GARNL3: variants seen among roughly 807,000 people sequenced by gnomAD.
GARNL3 encodes the protein GTPase-activating Rap/Ran-GAP domain-like protein 3.
GARNL3 carries 63 observed loss-of-function variants against 125.0 expected under a neutral mutation model. The ratio of observed to expected loss-of-function variants is 0.50; its 90% CI spans 0.41 to 0.62. The LOEUF is 0.62. GARNL3 is among the 20% of genes least tolerant of loss of function. The pLI is 0.00. For missense variants in GARNL3, 994 were observed against 1,244.0 expected, an observed-to-expected ratio of 0.80 and a Z score of 3.02; for synonymous variants, 439 against 457.5, an observed-to-expected ratio of 0.96 and a Z score of 0.52.
intron 19 of GARNL3, among the ~76,000 whole-genome samples, chr9:127,355,039 C>A (rs538332202): frequency 6.6e-6 from 1 of 152,182 alleles, no homozygotes; most frequent in African/African-American, 2.4e-5. Flanking sequence ...GTTATTCGCC[C>A]GCCTCGGCCT....
intron 2 of GARNL3, among the ~76,000 whole-genome samples, chr9:127,254,109 C>T (rs1478471281): frequency 4.6e-5 from 7 of 152,132 alleles, no homozygotes; most frequent in Admixed American, 3.9e-4. Flanking sequence ...CTCAGGGTAA[C>T]TGTAACAAAA....
intron 22 of GARNL3, among the ~76,000 whole-genome samples, chr9:127,382,251 G>T (rs1832303209): frequency 6.6e-6 from 1 of 152,044 alleles, no homozygotes; most frequent in African/African-American, 2.4e-5. Context: ...AATGAGCTGA[G>T]ATCTCACCAT....
chr9:127,362,041 T>G (rs142628548), intron 21 of GARNL3: 1 of 151,720 alleles, frequency 6.6e-6, no homozygotes, highest in Non-Finnish European at 1.5e-5. Flanking sequence ...ATAAGCGTTA[T>G]GTCTTGGAAG....
At chr9:127,308,713 T>A (rs2065019556) in intron 2 of GARNL3, among the ~76,000 whole-genome samples, 1 of 152,176 alleles carries the variant, frequency 6.6e-6, no homozygotes, top group South Asian at 2.1e-4. Flanking sequence ...AACATTAGAA[T>A]ACAGATGGCA....
intron 1 of GARNL3, among the ~76,000 whole-genome samples, chr9:127,234,698 G>A (rs2131144399): frequency 6.6e-6 from 1 of 152,288 alleles, no homozygotes; most frequent in South Asian, 2.1e-4. Context: ...GAAATTTATT[G>A]TTCACACTTC....
intron 17 of GARNL3, among the ~76,000 whole-genome samples, chr9:127,352,545 A>G (rs962098535): frequency 5.9e-5 from 9 of 152,188 alleles, no homozygotes; most frequent in African/African-American, 2.2e-4. Flanking sequence ...ATTTTGTGGG[A>G]GCCCAGGGTA....
intron 22 of GARNL3, among the ~76,000 whole-genome samples, chr9:127,382,841 G>T (rs950606950): frequency 2.0e-5 from 3 of 152,150 alleles, no homozygotes; most frequent in Non-Finnish European, 2.9e-5. Context: ...AAGTCCTCTT[G>T]AATAATAATA....
rs182713665 is a variant in GARNL3, at chr9:127,254,543, C to T, written c.144-10409C>T. Among the ~76,000 whole-genome samples, 828 of 152,092 alleles carry T rather than the reference C, an allele frequency of 5.4e-3. 5 individuals carry two copies. Among genetic ancestry groups the T allele is most frequent in the Middle Eastern group, 0.01 (3 of 294 alleles). On this transcript the variant is annotated intron_variant, in intron 2 of 10. Coordinates refer to the GARNL3 transcript ENST00000439286. ...CAGCACTTTGGGAGGCCGAGGCAGG[C>T]GGATCACTTGAGATCAGGAGTTTGA...
At chr9:127,344,005 AAGCCGTGTCCTC>A (rs970359634) in intron 14 of GARNL3, among the ~76,000 whole-genome samples, 22 of 152,060 alleles carry the variant, frequency 1.4e-4, no homozygotes, top group African/African-American at 5.3e-4. Flanking sequence ...GCTGATTTCA[AAGCCGTGTCCTC>A]AGCCCCCATG....
intron 2 of GARNL3, among the ~76,000 whole-genome samples, chr9:127,301,413 C>T (rs1050083692): frequency 4.6e-5 from 7 of 152,176 alleles, no homozygotes; most frequent in African/African-American, 1.7e-4. Context: ...AGCTGTGGAG[C>T]AGCACTATGA....
At chr9:127,285,895 C>T (rs1490774624) in intron 1 of GARNL3, among the ~76,000 whole-genome samples, 1 of 151,934 alleles carries the variant, frequency 6.6e-6, no homozygotes, top group Non-Finnish European at 1.5e-5. Context: ...TAATATATTT[C>T]ATTTATGTTA....
chr9:127,291,378 T>C, intron 2 of GARNL3, 136 bp downstream of exon 2: 2 of 741,034 alleles, frequency 2.7e-6, no homozygotes, highest in Non-Finnish European at 4.6e-6. Flanking sequence ...AAGGGAAATG[T>C]CAGTATTCTG....
At position 127,266,075 on chromosome 9, in the gene GARNL3, A is replaced by G. The variant is rs1336829078; in HGVS notation, c.144+1054A>G. The stretch of plus-strand genomic sequence containing the variant: ...GAATGAATTTAGCCACATAAAAGAT[A>G]CCTCAGTTGATTCAGTCAACACCTG... On this transcript the variant is annotated intron_variant, in intron 1 of 27. Coordinates refer to ENST00000373387, the MANE Select transcript of GARNL3 (RefSeq NM_032293.5). This position sits in a 1 kb window ranked among gnomAD's most constrained non-coding sequence, Gnocchi z 4.0. Among the ~76,000 whole-genome samples the G allele has an allele frequency of 6.6e-6, 1 of 152,234 alleles. No individual in the cohort carries two copies. The highest frequency in any genetic ancestry group is 1.5e-5 in the Non-Finnish European group (1 of 68,032).
intron 20 of GARNL3, 56 bp from the exon 21 acceptor site, chr9:127,357,163 T>G: frequency 1.0e-5 from 16 of 1,569,798 alleles, no homozygotes; most frequent in Non-Finnish European, 1.2e-5. Context: ...GGGCTTGGCA[T>G]GGAGCTGGCT....
At chr9:127,342,404 G>A in intron 14 of GARNL3, 70 bp downstream of exon 14, 1 of 1,010,678 alleles carries the variant, frequency 9.9e-7, no homozygotes, top group South Asian at 1.3e-5. Flanking sequence ...CCTCAACTCA[G>A]CGATGAGGCC....
chr9:127,327,450 G>A (rs1482005060), intron 7 of GARNL3, among the ~76,000 whole-genome samples: 2 of 152,202 alleles, frequency 1.3e-5, no homozygotes, highest in Non-Finnish European at 2.9e-5. Flanking sequence ...ACATGTGGAT[G>A]TAAATACAAA....
At chr9:127,271,147 C>T (rs2063815028) in intron 1 of GARNL3, among the ~76,000 whole-genome samples, 1 of 150,282 alleles carries the variant, frequency 6.7e-6, no homozygotes, top group Non-Finnish European at 1.5e-5. Context: ...TGTCCATTAA[C>T]ATTCCTTCAT....
At chr9:127,239,540 A>C (rs1367970156) in intron 1 of GARNL3, among the ~76,000 whole-genome samples, 1 of 152,226 alleles carries the variant, frequency 6.6e-6, no homozygotes, top group Non-Finnish European at 1.5e-5. Flanking sequence ...TCTTGTTTCA[A>C]TAAGTTGTCT....
At chr9:127,372,085 A>G (rs928243863) in intron 22 of GARNL3, among the ~76,000 whole-genome samples, 1 of 152,200 alleles carries the variant, frequency 6.6e-6, no homozygotes, top group African/African-American at 2.4e-5. Context: ...GGTGCATGCC[A>G]CCATGCCCGG....
Sources: gnomAD v4.1 joint callset for allele counts (sites outside exome capture counted in the v4.1 genomes callset) on GRCh38, gnomAD v4.1.1 for gene constraint, Gnocchi (gnomAD v3.1) non-coding constraint, MANE v1.5 for transcripts, NCBI Gene and HGNC (gene_info 2026-07-23, HGNC 2026-07-21) for gene names.